The following MYO5B variants were observed in gnomAD, a reference collection of about 807,000 sequenced individuals.
MYO5B encodes the protein myosin VB.
MYO5B carries 143 observed loss-of-function variants against 229.3 expected under a neutral mutation model. The observed-to-expected ratio is 0.62, with a 90% CI of 0.54 to 0.72. The LOEUF is 0.72. Among genes scored for constraint, MYO5B ranks in the 30% least tolerant of loss-of-function variants. MYO5B has a pLI of 0.00. For synonymous variants in MYO5B, 918 were observed against 885.2 expected (o/e 1.04, Z -0.66); for missense variants, 2,321 against 2,331.0 (o/e 1.00, Z 0.09).
rs184866389 is a variant in MYO5B, at chr18:50,183,008, G to A, written c.27+11759C>T. Among the ~76,000 whole-genome samples, 250 of 152,120 alleles carry A rather than the reference G, an allele frequency of 1.6e-3. 1 individual carries two copies. The highest frequency in any genetic ancestry group is 5.5e-3 in the African/African-American group (228 of 41,476). On this transcript the variant is annotated intron_variant, in intron 1 of 39. Coordinates refer to ENST00000285039, the MANE Select transcript of MYO5B (RefSeq NM_001080467.3). ...ATATACACACTCAACCACCAATTGC[G>A]TACCCAAAACAAAGAGTAATGAAAC...
Position 49,853,649 on chromosome 18 carries a change from T to A in MYO5B, c.4023-2A>T, listed in dbSNP as rs1028726075. ...GCCTGCAGCTGAGCCTCCAGCAGCC[T>A]GTGCCAGGGAGAGGACAGGTGAGCA... On this transcript the variant is annotated splice_acceptor_variant, in intron 30 of 39. Coordinates refer to ENST00000285039, the MANE Select transcript of MYO5B (RefSeq NM_001080467.3). LOFTEE classifies it high-confidence loss of function. 13 of 1,611,630 alleles carry A rather than the reference T, an allele frequency of 8.1e-6. No individual in the cohort carries two copies. The African/African-American group carries it at 1.1e-4, about 13-fold the overall frequency.
At chr18:50,155,610 G>A (rs868687369) in intron 1 of MYO5B, among the ~76,000 whole-genome samples, 2 of 152,158 alleles carry the variant, frequency 1.3e-5, no homozygotes, top group Admixed American at 6.5e-5. Flanking sequence ...TGTTTTGCCC[G>A]GCACTCCCAA....
At chr18:49,836,668 T>A in intron 38 of MYO5B, 43 bp downstream of exon 38, 1 of 1,610,914 alleles carries the variant, frequency 6.2e-7, no homozygotes, top group Non-Finnish European at 8.5e-7. Flanking sequence ...GACTCAGGGC[T>A]TCCTTGGAAT....
intron 31 of MYO5B, among the ~76,000 whole-genome samples, chr18:49,852,946 G>A (rs1346855439): frequency 2.6e-5 from 4 of 152,104 alleles, no homozygotes; most frequent in Admixed American, 2.6e-4. Context: ...CATAAGACAG[G>A]GGCCCTCTTC....
rs200197382 is a variant in MYO5B, at chr18:49,826,457, G to A, written c.*14C>T. ...TCACATTGGGAATCAAACTAATGCT[G>A]GAAACATGCATCTTCAGACTTCATT... is the stretch of plus-strand genomic sequence containing the variant. On this transcript the variant is annotated 3_prime_UTR_variant, in exon 40 of 40. Transcript: ENST00000285039. 2.3e-5 allele frequency: 37 copies of A among 1,613,182 alleles called. No individual in the cohort carries two copies. The highest frequency in any genetic ancestry group is 2.5e-5 in the Non-Finnish European group (29 of 1,179,548).
intron 2 of MYO5B, among the ~76,000 whole-genome samples, chr18:50,046,054 G>C (rs1336923642): frequency 6.6e-6 from 1 of 152,170 alleles, no homozygotes; most frequent in African/African-American, 2.4e-5. Flanking sequence ...AGAGGAGAAA[G>C]AATTGGCTTT....
At chr18:50,091,590 A>G (rs531192280) in intron 1 of MYO5B, among the ~76,000 whole-genome samples, 1 of 152,294 alleles carries the variant, frequency 6.6e-6, no homozygotes, top group Admixed American at 6.5e-5. Flanking sequence ...CCGAAACTTC[A>G]ACCCAAATCT....
intron 4 of MYO5B, 77 bp downstream of exon 4, chr18:50,036,773 G>C: frequency 6.5e-7 from 1 of 1,541,914 alleles, no homozygotes. Flanking sequence ...GTGAGCATCA[G>C]TTGCAGAGGA....
chr18:49,910,039 A>C (rs1221453449), intron 18 of MYO5B, among the ~76,000 whole-genome samples: 1 of 152,214 alleles, frequency 6.6e-6, no homozygotes, highest in Non-Finnish European at 1.5e-5. Context: ...TCTAAGAGTG[A>C]CATGAAGTGC....
intron 21 of MYO5B, among the ~76,000 whole-genome samples, chr18:49,896,416 C>G (rs1203166570): frequency 6.6e-6 from 1 of 152,204 alleles, no homozygotes; most frequent in African/African-American, 2.4e-5. Context: ...GAATGCACGT[C>G]TGTATTATCC....
chr18:49,953,230 G>C, intron 14 of MYO5B, 30 bp downstream of exon 14: 5 of 1,596,772 alleles, frequency 3.1e-6, no homozygotes, highest in Non-Finnish European at 4.3e-6. Context: ...GGGCATTCCT[G>C]CTCCACTCCC....
chr18:49,944,747 C>T (rs113043579), intron 14 of MYO5B, among the ~76,000 whole-genome samples: 4 of 152,262 alleles, frequency 2.6e-5, no homozygotes, highest in African/African-American at 4.8e-5. Flanking sequence ...CATACAGCTA[C>T]GTTCAAGCTT....
chr18:49,998,379 ACTC>A (rs1436197461), intron 5 of MYO5B, among the ~76,000 whole-genome samples: 1 of 151,912 alleles, frequency 6.6e-6, no homozygotes, highest in East Asian at 1.9e-4. Context: ...TCATGTACAC[ACTC>A]CTCCTTCAGA....
chr18:50,192,180 G>T (rs947814255), intron 1 of MYO5B, among the ~76,000 whole-genome samples: 12 of 152,198 alleles, frequency 7.9e-5, no homozygotes, highest in African/African-American at 2.4e-4. Context: ...CAGCTTACAT[G>T]ATTCTGACCG....
intron 1 of MYO5B, among the ~76,000 whole-genome samples, chr18:50,147,833 A>G (rs1240016067): frequency 6.6e-6 from 1 of 152,204 alleles, no homozygotes; most frequent in Non-Finnish European, 1.5e-5. Context: ...ATAAGCAACT[A>G]CCTTGCCAAA....
At chr18:50,191,011 G>C (rs2033218580) in intron 1 of MYO5B, among the ~76,000 whole-genome samples, 1 of 152,170 alleles carries the variant, frequency 6.6e-6, no homozygotes, top group Non-Finnish European at 1.5e-5. Flanking sequence ...GGGAACATTG[G>C]CTATTTTGAT....
At chr18:49,903,544 C>A (rs1274589570) in intron 20 of MYO5B, among the ~76,000 whole-genome samples, 1 of 152,174 alleles carries the variant, frequency 6.6e-6, no homozygotes, top group Non-Finnish European at 1.5e-5. Context: ...CACCCAAGAA[C>A]ACTCACAGAA....
In MYO5B at chr18:49,974,371, A is replaced by G; in HGVS notation, c.1301T>C (p.Ile434Thr). The change falls in exon 10 of 40, where the codon ATC becomes ACC. Residue 434 changes from isoleucine (I) to threonine (T), a missense_variant. Transcript: ENST00000285039. ...LHTSLKQHSFIGVLDIYGFET... is the reference protein window; with the variant it reads ...LHTSLKQHSFTGVLDIYGFET... ...CTACCCATAGATGTCCAGGACCCCG[A>G]TGAAGGAGTGCTGCTTGAGGGAGGT... 6.2e-7 allele frequency: 1 copy of G among 1,614,214 alleles called. No homozygotes were observed. The highest frequency in any genetic ancestry group is 2.2e-5 in the East Asian group (1 of 44,888).
At chr18:49,864,915 T>C (rs1361299620) in intron 27 of MYO5B, among the ~76,000 whole-genome samples, 2 of 152,200 alleles carry the variant, frequency 1.3e-5, no homozygotes, top group Non-Finnish European at 2.9e-5. Flanking sequence ...TTTGGTCATA[T>C]AGAAAGCCAC....
Sources: allele counts gnomAD v4.1 joint callset (sites outside exome capture counted in the v4.1 genomes callset), GRCh38; gene constraint gnomAD v4.1.1; transcripts MANE v1.5; gene names NCBI Gene and HGNC (gene_info 2026-07-23, HGNC 2026-07-21).